Variants in SYAP1 observed in about 807,000 individuals in gnomAD.
SYAP1 encodes the protein synapse-associated protein 1.
In SYAP1, 3 loss-of-function variants were observed where a neutral mutation model predicts 29.6. That is an observed-to-expected ratio of 0.10 (90% confidence interval 0.05 to 0.26). SYAP1 has a LOEUF of 0.26. Ranked by LOEUF, SYAP1 falls within the 10% of genes least tolerant of loss-of-function variation. The pLI is 1.00. For missense variants in SYAP1, 217 were observed against 264.1 expected (o/e 0.82, Z 1.24); for synonymous variants, 102 against 102.7 (o/e 0.99, Z 0.04).
rs144175479 is a variant in SYAP1, at chrX:16,742,143, G to GTTTTTTTTTTTTTTTTTTTT, written c.435+361_435+380dup. ...ACCATGCCCAGCTAATTTTTGTGTG[G>GTTTTTTTTTTTTTTTTTTTT]TTTTTTTTTTTTTTTTTTTTTTTTT... On this transcript the variant is annotated intron_variant, in intron 4 of 8. Transcript: ENST00000380155. Among the ~76,000 whole-genome samples the GTTTTTTTTTTTTTTTTTTTT allele has an allele frequency of 1.9e-4, 8 of 41,865 alleles. 1 individual carries two copies. The highest frequency in any genetic ancestry group is 1.1e-3 in the African/African-American group (8 of 7,533). The allele number at this position is 41,865 out of a possible 115,157, so 36.4% of individuals were successfully genotyped here.
chrX:16,732,784 C>G (rs1926237677), intron 1 of SYAP1, among the ~76,000 whole-genome samples: 1 of 111,746 alleles, frequency 8.9e-6, no homozygotes. Context: ...TCTGTCACTC[C>G]CCATTCATCC....
At chrX:16,739,265 C>T (rs150239822) in intron 3 of SYAP1, among the ~76,000 whole-genome samples, 1 of 110,881 alleles carries the variant, frequency 9.0e-6, no homozygotes, top group Non-Finnish European at 1.9e-5. Context: ...AAGAATGAAG[C>T]GTGTGCTCAT....
chrX:16,724,980 A>G (rs1926053574), intron 1 of SYAP1, among the ~76,000 whole-genome samples: 1 of 112,071 alleles, frequency 8.9e-6, no homozygotes, highest in South Asian at 3.7e-4. Context: ...AAGGCAGAAG[A>G]GATGGGCTAC....
Position 16,743,603 on chromosome X carries a change from T to C in SYAP1, c.436-98T>C, listed in dbSNP as rs112501475. ...GAGCCGAGATTGCACCACTGCACTC[T>C]AGCCTGGGTGACAACCCGTCTCAAA... On this transcript the variant is annotated intron_variant, in intron 4 of 8. Transcript: ENST00000380155. 0.014 allele frequency: 12,151 copies of C among 881,643 alleles called. 902 individuals carry two copies. In the African/African-American group the frequency reaches 0.22, roughly 16 times the overall value. The allele number at this position is 881,643 out of a possible 1,213,427, so 72.7% of individuals were successfully genotyped here. A position where few individuals can be genotyped will look rare whatever the true frequency, so the allele number is the denominator to read the frequency against.
intron 1 of SYAP1, among the ~76,000 whole-genome samples, chrX:16,730,268 C>T (rs1473728082): frequency 4.5e-5 from 5 of 112,183 alleles, no homozygotes; most frequent in Non-Finnish European, 9.4e-5. Context: ...GCAGGAGAAT[C>T]GCTTGAAACC....
chrX:16,743,637 A>C (rs1926526913), intron 4 of SYAP1, 64 bp from the exon 5 acceptor site: 1 of 1,144,437 alleles, frequency 8.7e-7, no homozygotes, highest in Admixed American at 2.4e-5. Flanking sequence ...AAAAAAAAAA[A>C]AAATTGTTAT....
chrX:16,747,150 T>C (rs1480293624), intron 5 of SYAP1, among the ~76,000 whole-genome samples: 2 of 111,204 alleles, frequency 1.8e-5, no homozygotes, highest in Non-Finnish European at 3.8e-5. Context: ...GGTCTTGCTG[T>C]GTTGCGCAGG....
chrX:16,762,631 A>G lies in SYAP1; in HGVS notation c.*2272A>G, dbSNP rs1927008620. The G allele has an allele frequency of 8.9e-6, 1 of 111,929 alleles. No homozygotes were observed. The highest frequency in any genetic ancestry group is 1.9e-5 in the Non-Finnish European group (1 of 53,242). The allele number at this position is 111,929 out of a possible 1,213,427, so 9.2% of individuals were successfully genotyped here. On this transcript the variant is annotated 3_prime_UTR_variant, in exon 9 of 9. Transcript: ENST00000380155. ...GCCTAGGGGTTAGCCAACAAGATAT[A>G]CCAAGCATGAAAACCTGTAAAACTT...
At position 16,757,219 on chromosome X, in the gene SYAP1, G is replaced by A. The variant is rs142663946; in HGVS notation, c.841G>A (p.Asp281Asn). 2.7e-5 allele frequency: 33 copies of A among 1,208,785 alleles called. No individual in the cohort carries two copies. The highest frequency in any genetic ancestry group is 3.5e-5 in the African/African-American group (2 of 57,045). The change falls in exon 8 of 9, where the codon GAT becomes AAT. Residue 281 changes from aspartate to asparagine, a missense_variant. Asp to Asn is a conservative substitution (Grantham distance 23). Transcript: ENST00000380155. Reference protein sequence around the residue: ...GVSEFVSDAFDACNLNQEDLR... With the variant: ...GVSEFVSDAFNACNLNQEDLR... The stretch of plus-strand genomic sequence containing the variant: ...TTCTGAGTTTGTCAGTGATGCCTTC[G>A]ATGCCTGTAACCTAAATCAGGAAGA...
chrX:16,740,494 T>C (rs752486694), intron 3 of SYAP1, among the ~76,000 whole-genome samples: 2 of 110,801 alleles, frequency 1.8e-5, no homozygotes, highest in African/African-American at 6.5e-5. Flanking sequence ...TTTTTTTAAG[T>C]AACTTTCTAA....
Position 16,753,535 on chromosome X carries a change from A to C in SYAP1, c.576-1410A>C, listed in dbSNP as rs115702221. ...TCCTTGCTTTCTGGCACAAGATAGTATTCTTCCTCTGCTCTAACCCTGGAA... is the reference window on the plus strand; with the variant it reads ...TCCTTGCTTTCTGGCACAAGATAGTCTTCTTCCTCTGCTCTAACCCTGGAA... On this transcript the variant is annotated intron_variant, in intron 5 of 8. Transcript: ENST00000380155. Among the ~76,000 whole-genome samples, 628 of 112,180 alleles carry C rather than the reference A, an allele frequency of 5.6e-3. 4 individuals carry two copies. The highest frequency in any genetic ancestry group is 0.02 in the African/African-American group (604 of 30,904).
intron 3 of SYAP1, among the ~76,000 whole-genome samples, chrX:16,737,378 C>T (rs1249484288): frequency 1.8e-5 from 2 of 110,970 alleles, no homozygotes; most frequent in Admixed American, 1.9e-4. Context: ...GAGTGAGACC[C>T]TGTCTCAAAA....
rs760754281 is a variant in SYAP1 at position 16,739,476 on chromosome X, CTTTTTTTTT to C, written c.362-2228_362-2220del. On this transcript the variant is annotated intron_variant, in intron 3 of 8. Coordinates refer to ENST00000380155, the MANE Select transcript of SYAP1 (RefSeq NM_032796.4). ...TTGGTTTTCAAATCACTCTCTCTCT[CTTTTTTTTT>C]TTTTTTTTTTTGAAACGGAGTCTGT... is the stretch of plus-strand genomic sequence containing the variant. 7.4e-5 allele frequency among the ~76,000 whole-genome samples: 6 copies of C among 81,525 alleles called. No homozygotes were observed. The East Asian group carries it at 1.6e-3, about 22-fold the overall frequency. The allele number at this position is 81,525 out of a possible 115,157, so 70.8% of individuals were successfully genotyped here. A position where few individuals can be genotyped will look rare whatever the true frequency, so the allele number is the denominator to read the frequency against.
Position 16,754,144 on chromosome X carries a change from A to G in SYAP1, c.576-801A>G, listed in dbSNP as rs368423227. 4.7e-3 allele frequency among the ~76,000 whole-genome samples: 526 copies of G among 111,516 alleles called. 3 individuals are homozygous for G. The highest frequency in any genetic ancestry group is 0.018 in the Middle Eastern group (4 of 219). On this transcript the variant is annotated intron_variant, in intron 5 of 8. Coordinates refer to ENST00000380155, the MANE Select transcript of SYAP1 (RefSeq NM_032796.4). ...GTTACTAGTTATTAGCAAGCTGCCAAACATTCTCTTTCATAAGGAACAACA... is the reference window on the plus strand; with the variant it reads ...GTTACTAGTTATTAGCAAGCTGCCAGACATTCTCTTTCATAAGGAACAACA...
At chrX:16,757,379 T>C (rs1299014887) in intron 8 of SYAP1, 70 bp downstream of exon 8, 2 of 1,095,210 alleles carry the variant, frequency 1.8e-6, no homozygotes, top group Non-Finnish European at 2.4e-6. Context: ...TTGTAGAAAA[T>C]TGTTATTCTG....
At chrX:16,720,465 A>T (rs1372654621) in intron 1 of SYAP1, among the ~76,000 whole-genome samples, 1 of 112,121 alleles carries the variant, frequency 8.9e-6, no homozygotes, top group Non-Finnish European at 1.9e-5. Context: ...GTTTTATGAA[A>T]GATATCCCAT....
At chrX:16,738,530 G>T (rs1202786419) in intron 3 of SYAP1, among the ~76,000 whole-genome samples, 1 of 111,716 alleles carries the variant, frequency 9.0e-6, no homozygotes, top group Non-Finnish European at 1.9e-5. Flanking sequence ...AAATTAGCTG[G>T]GCCTAGTGGC....
intron 1 of SYAP1, among the ~76,000 whole-genome samples, chrX:16,731,292 AC>A (rs1479131892): frequency 9.0e-6 from 1 of 111,663 alleles, no homozygotes. Flanking sequence ...GTATCCCATT[AC>A]ATTTATCTAA....
chrX:16,752,374 AT>A, intron 5 of SYAP1, among the ~76,000 whole-genome samples: 1 of 99,975 alleles, frequency 1.0e-5, no homozygotes, highest in African/African-American at 3.9e-5. Flanking sequence ...GATTATTATT[AT>A]TATTATTATT....
Sources: allele counts gnomAD v4.1 joint callset (sites outside exome capture counted in the v4.1 genomes callset), GRCh38; gene constraint gnomAD v4.1.1; transcripts MANE v1.5; gene names NCBI Gene and HGNC (gene_info 2026-07-23, HGNC 2026-07-21).